The following SLC9A4 variants were observed in gnomAD, a reference collection of about 807,000 sequenced individuals.
The protein encoded by SLC9A4 is solute carrier family 9 member A4.
In SLC9A4, 63 loss-of-function variants were observed where a neutral mutation model predicts 67.4. The observed-to-expected ratio is 0.93, with a 90% confidence interval of 0.76 to 1.15. The LOEUF is 1.15. SLC9A4 is among the 50% of genes most tolerant of loss of function. The pLI, the probability that SLC9A4 is intolerant of heterozygous loss-of-function variation, is 0.00. For missense variants in SLC9A4, 1,089 were observed against 987.7 expected (o/e 1.10, Z -1.38); for synonymous variants, 393 against 367.2 (o/e 1.07, Z -0.80).
intron 2 of SLC9A4, among the ~76,000 whole-genome samples, chr2:102,491,734 ATT>A (rs1167867406): frequency 9.2e-5 from 14 of 152,230 alleles, no homozygotes; most frequent in Admixed American, 9.2e-4. Flanking sequence ...ATGTCCTCAC[ATT>A]TCAAAACCAA....
At chr2:102,478,322 A>AATGCG (rs1684375664) in intron 1 of SLC9A4, among the ~76,000 whole-genome samples, 1 of 152,234 alleles carries the variant, frequency 6.6e-6, no homozygotes, top group African/African-American at 2.4e-5. Context: ...CACTCATGAG[A>AATGCG]ATGCGACCTG....
intron 2 of SLC9A4, among the ~76,000 whole-genome samples, chr2:102,499,367 A>G (rs947701866): frequency 1.3e-5 from 2 of 152,158 alleles, no homozygotes; most frequent in East Asian, 1.9e-4. Flanking sequence ...GGATTGTGGG[A>G]CTTTTGTGGG....
intron 2 of SLC9A4, among the ~76,000 whole-genome samples, chr2:102,498,321 G>A (rs1246242566): frequency 6.6e-6 from 1 of 152,236 alleles, no homozygotes; most frequent in Non-Finnish European, 1.5e-5. Flanking sequence ...TTCTGAAACT[G>A]CCATGGCATC....
At chr2:102,519,328 A>G (rs905750298) in intron 8 of SLC9A4, among the ~76,000 whole-genome samples, 1 of 152,396 alleles carries the variant, frequency 6.6e-6, no homozygotes, top group African/African-American at 2.4e-5. Flanking sequence ...TGTACTCATG[A>G]AACTAATATT....
intron 2 of SLC9A4, among the ~76,000 whole-genome samples, chr2:102,498,388 G>A (rs890409817): frequency 6.6e-6 from 1 of 152,210 alleles, no homozygotes; most frequent in Non-Finnish European, 1.5e-5. Context: ...GACTTTCCCA[G>A]GCCATTGGGA....
At chr2:102,512,346 G>C in intron 7 of SLC9A4, 73 bp downstream of exon 7, 1 of 1,532,990 alleles carries the variant, frequency 6.5e-7, no homozygotes, top group South Asian at 1.1e-5. Flanking sequence ...TAAAATCAGA[G>C]AGAATTCAGG....
intron 2 of SLC9A4, among the ~76,000 whole-genome samples, chr2:102,480,604 C>CT (rs932619674): frequency 1.3e-5 from 2 of 152,156 alleles, no homozygotes; most frequent in African/African-American, 4.8e-5. Flanking sequence ...ATTGAATATT[C>CT]TTTTTTTCTG....
intron 2 of SLC9A4, among the ~76,000 whole-genome samples, chr2:102,483,182 C>T (rs1235397268): frequency 6.6e-6 from 1 of 152,332 alleles, no homozygotes; most frequent in East Asian, 1.9e-4. Context: ...TGCGTTGGCT[C>T]CGTGGGGTTG....
At chr2:102,508,791 C>T (rs1228208644) in intron 5 of SLC9A4, 56 bp from the exon 6 acceptor site, 19 of 1,395,268 alleles carry the variant, frequency 1.4e-5, no homozygotes, top group Non-Finnish European at 4.0e-6. Flanking sequence ...AATTTGCTCT[C>T]TCTAGTGACA....
chr2:102,497,346 G>C lies in SLC9A4; in HGVS notation c.721-6102G>C, dbSNP rs11899385. The stretch of plus-strand genomic sequence containing the variant: ...ATACGCAAGAGAAATGACAACATAG[G>C]TCTACAAAAAAGGCTTGTACATGAA... On this transcript the variant is annotated intron_variant, in intron 2 of 11. Coordinates refer to ENST00000295269, the MANE Select transcript of SLC9A4 (RefSeq NM_001011552.4). Among the ~76,000 whole-genome samples, 1,218 of 152,222 alleles carry C rather than the reference G, an allele frequency of 8.0e-3. 14 individuals carry two copies. The highest frequency in any genetic ancestry group is 0.028 in the African/African-American group (1,165 of 41,534).
intron 2 of SLC9A4, among the ~76,000 whole-genome samples, chr2:102,486,872 G>A (rs553101721): frequency 3.3e-5 from 5 of 152,314 alleles, no homozygotes; most frequent in African/African-American, 7.2e-5. Context: ...GCCATCTGCC[G>A]GGTGTCTGTC....
chr2:102,526,290 A>G lies in SLC9A4; in HGVS notation c.1982A>G (p.Tyr661Cys). The G allele has an allele frequency of 6.2e-7, 1 of 1,613,630 alleles. No homozygotes were observed. The highest frequency in any genetic ancestry group is 2.2e-5 in the East Asian group (1 of 44,854). The change falls in exon 11 of 12, where the codon TAC becomes TGC. Residue 661 changes from tyrosine (Y) to cysteine (C), a missense_variant. Physicochemically the swap from Tyr to Cys is radical, Grantham distance 194. Transcript: ENST00000295269. ...ACCAAGAATATCCGCTACCTCTCCT[A>G]CCCCTACGGGAATCCTCAGTCTGCA... Reference protein sequence around the residue: ...AGTKNIRYLSYPYGNPQSAGR... With the variant: ...AGTKNIRYLSCPYGNPQSAGR...
In SLC9A4 at chr2:102,525,050, C is replaced by T; in HGVS notation, c.1845C>T (p.Leu615=). The T allele has an allele frequency of 1.2e-6, 2 of 1,614,104 alleles. No individual in the cohort carries two copies. The highest frequency in any genetic ancestry group is 1.7e-6 in the Non-Finnish European group (2 of 1,179,984). The part of the protein sequence containing the change: ...QRTLSYNKYN[L]KPQTSEKQAK... ...CCCTGTCCTACAACAAATACAACCT[C>T]AAACCCCAAACAAGTGAGAAGCAGG... Residue 615 remains leucine (L), a synonymous_variant, in exon 10 of 12, where the codon CTC becomes CTT. Transcript: ENST00000295269.
At chr2:102,524,556 T>TTCTGTGTGTG (rs1553414867) in intron 9 of SLC9A4, among the ~76,000 whole-genome samples, 1 of 145,416 alleles carries the variant, frequency 6.9e-6, no homozygotes, top group Non-Finnish European at 1.5e-5. Flanking sequence ...GTGATAGGAA[T>TTCTGTGTGTG]TGTGTGTGTG....
intron 2 of SLC9A4, among the ~76,000 whole-genome samples, chr2:102,483,425 T>G (rs1178987499): frequency 6.6e-6 from 1 of 152,236 alleles, no homozygotes; most frequent in African/African-American, 2.4e-5. Context: ...GTCACAAGCA[T>G]GCCTTTTCGG....
intron 4 of SLC9A4, among the ~76,000 whole-genome samples, chr2:102,507,650 A>G (rs963971854): frequency 6.6e-6 from 1 of 152,146 alleles, no homozygotes; most frequent in Non-Finnish European, 1.5e-5. Flanking sequence ...TTTAAATTAC[A>G]GACCTCCTTT....
intron 2 of SLC9A4, 96 bp downstream of exon 2, chr2:102,479,398 A>C: frequency 7.7e-7 from 1 of 1,306,874 alleles, no homozygotes; most frequent in African/African-American, 1.5e-5. Context: ...AGTGTGGCTC[A>C]GCGCAGCAGG....
At chr2:102,531,263 A>C (rs1674774875) in intron 11 of SLC9A4, among the ~76,000 whole-genome samples, 1 of 152,124 alleles carries the variant, frequency 6.6e-6, no homozygotes, top group Admixed American at 6.6e-5. Flanking sequence ...TCTTAGGAGA[A>C]TTTTTAAAGG....
chr2:102,532,861 G>T lies in SLC9A4; in HGVS notation c.*173G>T. 1 of 638,706 alleles carries T rather than the reference G, an allele frequency of 1.6e-6. No individual in the cohort carries two copies. The highest frequency in any genetic ancestry group is 2.9e-5 in the East Asian group (1 of 35,066). 39.6% of individuals were successfully genotyped at this position (638,706 alleles called of 1,614,324 possible). ...TTTTCCAAGGACTGGGAGCAAACTT[G>T]CAGGCTCTGCCATGTACTTATTGTG... On this transcript the variant is annotated 3_prime_UTR_variant, in exon 12 of 12. Coordinates refer to ENST00000295269, the MANE Select transcript of SLC9A4 (RefSeq NM_001011552.4).
Sources: gnomAD v4.1 joint callset for allele counts (sites outside exome capture counted in the v4.1 genomes callset) on GRCh38, gnomAD v4.1.1 for gene constraint, MANE v1.5 for transcripts, NCBI Gene and HGNC (gene_info 2026-07-23, HGNC 2026-07-21) for gene names.